The following PHACTR4 variants were observed in gnomAD, a reference collection of about 807,000 sequenced individuals.
PHACTR4 encodes phosphatase and actin regulator 4.
In PHACTR4, 51 loss-of-function variants were observed where a neutral mutation model predicts 72.7. The observed-to-expected ratio is 0.70, with a 90% confidence interval of 0.56 to 0.89. PHACTR4 has a LOEUF of 0.89. PHACTR4 is among the 40% of genes least tolerant of loss of function. The pLI is 0.00. For missense variants in PHACTR4, 731 were observed against 861.8 expected, an observed-to-expected ratio of 0.85 and a Z score of 1.90; for synonymous variants, 255 against 302.5, an observed-to-expected ratio of 0.84 and a Z score of 1.63.
intron 4 of PHACTR4, among the ~76,000 whole-genome samples, chr1:28,463,978 G>T (rs182686564): frequency 1.8e-3 from 265 of 151,090 alleles, no homozygotes; most frequent in African/African-American, 6.2e-3. Flanking sequence ...CGATCCTCCC[G>T]CCTCAGCCTC....
chr1:28,445,289 A>G (rs905545023), intron 2 of PHACTR4, among the ~76,000 whole-genome samples: 2 of 151,646 alleles, frequency 1.3e-5, no homozygotes, highest in Non-Finnish European at 2.9e-5. Context: ...GAGTCTCGCT[A>G]TGTTGCCCAG....
At chr1:28,379,779 C>G (rs936780601) in intron 1 of PHACTR4, among the ~76,000 whole-genome samples, 7 of 151,098 alleles carry the variant, frequency 4.6e-5, no homozygotes, top group Non-Finnish European at 7.4e-5. Flanking sequence ...TTAGTAGAGA[C>G]GGGGTTTCAC....
chr1:28,494,539 A>T (rs971075954), intron 13 of PHACTR4, among the ~76,000 whole-genome samples: 3 of 152,054 alleles, frequency 2.0e-5, no homozygotes, highest in Non-Finnish European at 2.9e-5. Flanking sequence ...GTAGTCCCAG[A>T]TACTTGGGAG....
chr1:28,402,523 G>A (rs1420793672), intron 1 of PHACTR4, among the ~76,000 whole-genome samples: 1 of 152,104 alleles, frequency 6.6e-6, no homozygotes, highest in Non-Finnish European at 1.5e-5. Flanking sequence ...AGGCCAAGAT[G>A]GGAGGATCAC....
chr1:28,481,218 C>G (rs1660259679), intron 9 of PHACTR4: 1 of 152,200 alleles, frequency 6.6e-6, no homozygotes, highest in Non-Finnish European at 1.5e-5. Context: ...TTTGTAGAGA[C>G]AGGGTCTCTC....
At chr1:28,415,698 G>A (rs1005371683) in intron 2 of PHACTR4, among the ~76,000 whole-genome samples, 4 of 152,108 alleles carry the variant, frequency 2.6e-5, no homozygotes, top group Non-Finnish European at 5.9e-5. Context: ...TGTGTTTGGT[G>A]ATTGTTTAAT....
intron 1 of PHACTR4, among the ~76,000 whole-genome samples, chr1:28,385,497 C>T (rs1265222664): frequency 1.4e-5 from 2 of 140,596 alleles, no homozygotes; most frequent in East Asian, 2.2e-4. Flanking sequence ...GAGCTGAGAT[C>T]GTGCCACTGC....
rs1192825540 is a variant in PHACTR4 at position 28,500,037 on chromosome 1, G to A, written c.*3488G>A. On this transcript the variant is annotated 3_prime_UTR_variant, in exon 14 of 14. Transcript: ENST00000373839. ...ATTTGATTTCCTGAGCTACTTGTTC[G>A]CCTTCTGTGCGTCACCAAGTAATCT... The A allele has an allele frequency of 6.6e-6, 1 of 152,032 alleles. No homozygotes were observed. Among genetic ancestry groups the A allele is most frequent in the African/African-American group, 2.4e-5 (1 of 41,394 alleles). The allele number at this position is 152,032 out of a possible 1,614,324, so 9.4% of individuals were successfully genotyped here.
chr1:28,461,328 C>A (rs1419092934), intron 4 of PHACTR4, among the ~76,000 whole-genome samples: 1 of 152,050 alleles, frequency 6.6e-6, no homozygotes, highest in Non-Finnish European at 1.5e-5. Flanking sequence ...GTAGTACCAG[C>A]TACTTGGGAG....
intron 4 of PHACTR4, among the ~76,000 whole-genome samples, chr1:28,460,608 A>G (rs1658728116): frequency 6.6e-6 from 1 of 152,056 alleles, no homozygotes; most frequent in Non-Finnish European, 1.5e-5. Context: ...TCCTGGGTTC[A>G]AGCAATTCTC....
intron 1 of PHACTR4, among the ~76,000 whole-genome samples, chr1:28,372,006 C>T (rs573690468): frequency 1.3e-5 from 2 of 151,642 alleles, no homozygotes; most frequent in South Asian, 2.1e-4. Context: ...CTCAGCCTCC[C>T]GAGTAGCTGG....
chr1:28,462,956 T>TG (rs1312291606), intron 4 of PHACTR4, among the ~76,000 whole-genome samples: 2 of 152,178 alleles, frequency 1.3e-5, no homozygotes, highest in African/African-American at 4.8e-5. Flanking sequence ...CCCAGCACTT[T>TG]GGGAGGCCAG....
chr1:28,419,050 T>TTTTTTTTTTTTTTTTTGAGACGG (rs1210043704), intron 2 of PHACTR4, among the ~76,000 whole-genome samples: 2 of 147,138 alleles, frequency 1.4e-5, no homozygotes, highest in African/African-American at 5.2e-5. Context: ...GATTTTTTTC[T>TTTTTTTTTTTTTTTTTGAGACGG]AGGGAAGTTT....
chr1:28,392,141 A>G (rs1653099383), intron 1 of PHACTR4, among the ~76,000 whole-genome samples: 2 of 152,068 alleles, frequency 1.3e-5, no homozygotes, highest in Non-Finnish European at 2.9e-5. Flanking sequence ...GCAACAAACA[A>G]TTCATTAGTT....
intron 7 of PHACTR4, among the ~76,000 whole-genome samples, 157 bp from the exon 8 acceptor site, chr1:28,475,950 C>T (rs1299024503): frequency 6.6e-6 from 1 of 152,048 alleles, no homozygotes; most frequent in Admixed American, 6.6e-5. Context: ...TGGTCTCAAA[C>T]TCCTGACCTC....
chr1:28,434,173 AAG>A (rs1470339528), intron 2 of PHACTR4, among the ~76,000 whole-genome samples: 1 of 152,190 alleles, frequency 6.6e-6, no homozygotes, highest in Non-Finnish European at 1.5e-5. Flanking sequence ...CCATTTATAC[AAG>A]AGTTTCAGTA....
chr1:28,455,674 C>G (rs1185749574), intron 2 of PHACTR4, among the ~76,000 whole-genome samples: 1 of 152,138 alleles, frequency 6.6e-6, no homozygotes, highest in Non-Finnish European at 1.5e-5. Context: ...TCTGAAAGTC[C>G]TACCTCCTGG....
intron 11 of PHACTR4, among the ~76,000 whole-genome samples, chr1:28,491,427 C>A (rs537276887): frequency 3.9e-4 from 59 of 151,072 alleles, no homozygotes; most frequent in African/African-American, 1.4e-3. Flanking sequence ...CACTGCACTC[C>A]AGCCTGGGTG....
intron 1 of PHACTR4, among the ~76,000 whole-genome samples, chr1:28,374,469 C>T (rs149425862): frequency 3.5e-3 from 537 of 152,304 alleles, no homozygotes; most frequent in Non-Finnish European, 5.7e-3. Flanking sequence ...ACCTATTTCA[C>T]CTCCCTTACT....
Sources: allele counts gnomAD v4.1 joint callset (sites outside exome capture counted in the v4.1 genomes callset), GRCh38; gene constraint gnomAD v4.1.1; transcripts MANE v1.5; gene names NCBI Gene and HGNC (gene_info 2026-07-23, HGNC 2026-07-21).